The following FAH variants were observed in gnomAD, a reference collection of about 807,000 sequenced individuals.
The protein encoded by FAH is fumarylacetoacetase.
In FAH, 47 loss-of-function variants were observed where a neutral mutation model predicts 55.8. That is an observed-to-expected ratio of 0.84 (90% CI 0.67 to 1.07). The LOEUF (loss-of-function observed/expected upper bound fraction) is 1.07, where lower values mean the gene tolerates loss of function less well. Among genes scored for constraint, FAH ranks in the 50% least tolerant of loss-of-function variants. The probability of loss-of-function intolerance (pLI) is 0.00; values close to 1 mark genes in which losing one functional copy is unlikely to be tolerated. For synonymous variants in FAH, 199 were observed against 207.7 expected (o/e 0.96, Z 0.36); for missense variants, 495 against 545.9 (o/e 0.91, Z 0.93).
chr15:80,178,127 G>A (rs775272533), intron 11 of FAH, among the ~76,000 whole-genome samples: 2 of 152,132 alleles, frequency 1.3e-5, no homozygotes, highest in African/African-American at 4.8e-5. Context: ...TTGAGCCCAG[G>A]AGGTCGAGGC....
chr15:80,157,806 T>A, intron 1 of FAH: 1 of 537,376 alleles, frequency 1.9e-6, no homozygotes, highest in Non-Finnish European at 3.3e-6. Context: ...TGACTGCTCT[T>A]CCCCCAGTCC....
chr15:80,167,929 C>G (rs765899976), intron 5 of FAH, 123 bp from the exon 6 acceptor site: 24 of 753,254 alleles, frequency 3.2e-5, no homozygotes, highest in Non-Finnish European at 5.7e-5. Context: ...CTTGTAAGCA[C>G]CTGTTGATTT....
chr15:80,169,428 G>A (rs1215044027), intron 7 of FAH, among the ~76,000 whole-genome samples: 3 of 152,088 alleles, frequency 2.0e-5, no homozygotes, highest in African/African-American at 4.8e-5. Flanking sequence ...TAATTACCAC[G>A]AGTGACAAGA....
intron 5 of FAH, among the ~76,000 whole-genome samples, chr15:80,167,530 CT>C (rs11315019): frequency 0.59 from 64,724 of 110,522 alleles, 17,480 homozygotes; most frequent in East Asian, 0.78. Flanking sequence ...ATGGCTGTAT[CT>C]TTTTTTTTTT....
At chr15:80,185,957 T>G (rs987950142) in intron 13 of FAH, among the ~76,000 whole-genome samples, 173 bp from the exon 14 acceptor site, 4 of 152,190 alleles carry the variant, frequency 2.6e-5, no homozygotes, top group Admixed American at 6.5e-5. Context: ...TGCGTGCAAC[T>G]CTGCCCAGCT....
intron 9 of FAH, 110 bp from the exon 10 acceptor site, chr15:80,174,906 C>G: frequency 2.4e-6 from 2 of 847,070 alleles, no homozygotes; most frequent in Non-Finnish European, 4.1e-6. Flanking sequence ...TGTCTCAGAC[C>G]CTCTGCCTAG....
intron 7 of FAH, among the ~76,000 whole-genome samples, chr15:80,171,468 T>A (rs2041240043): frequency 6.6e-6 from 1 of 152,218 alleles, no homozygotes; most frequent in African/African-American, 2.4e-5. Flanking sequence ...TATTTTATTT[T>A]TTTATTTTTT....
At chr15:80,180,630 C>T (rs2041323156) in intron 12 of FAH, among the ~76,000 whole-genome samples, 1 of 152,170 alleles carries the variant, frequency 6.6e-6, no homozygotes. Context: ...GAGATGATGA[C>T]CTTGGGGTGG....
intron 2 of FAH, among the ~76,000 whole-genome samples, chr15:80,158,782 C>T (rs2041121911): frequency 6.6e-6 from 1 of 152,056 alleles, no homozygotes; most frequent in African/African-American, 2.4e-5. Context: ...AATTGGAATT[C>T]CTATGGGGGC....
intron 1 of FAH, 63 bp downstream of exon 1, chr15:80,153,198 G>C: frequency 8.3e-7 from 1 of 1,200,016 alleles, no homozygotes; most frequent in Non-Finnish European, 1.2e-6. Flanking sequence ...GAGTGGAGTG[G>C]AGTGGAGTGG....
chr15:80,170,857 C>T (rs1250168906), intron 7 of FAH, among the ~76,000 whole-genome samples: 4 of 152,084 alleles, frequency 2.6e-5, no homozygotes, highest in Non-Finnish European at 4.4e-5. Context: ...ATGGCTGAGT[C>T]TATGTTTTTC....
At chr15:80,160,526 G>A (rs1236596299) in intron 4 of FAH, 67 bp downstream of exon 4, 2 of 1,514,888 alleles carry the variant, frequency 1.3e-6, no homozygotes, top group African/African-American at 1.4e-5. Context: ...CTGGCCAGGT[G>A]CTTTGGTTCT....
chr15:80,179,760 G>A (rs533327875), intron 11 of FAH, among the ~76,000 whole-genome samples: 3 of 152,224 alleles, frequency 2.0e-5, no homozygotes, highest in African/African-American at 7.2e-5. Flanking sequence ...ACTGGAGGGT[G>A]TTCCCAGGGC....
intron 10 of FAH, among the ~76,000 whole-genome samples, chr15:80,176,757 G>A (rs1409990581): frequency 5.3e-5 from 8 of 152,230 alleles, no homozygotes; most frequent in East Asian, 3.8e-4. Context: ...CTGCCCGCCC[G>A]GGGGAGGCCA....
Position 80,173,089 on chromosome 15 carries a change from C to A in FAH, c.782C>A (p.Pro261Gln). ...LGKSFGTTVS[P>Q]WVVPMDALMP... ...AAGAGTTTTGGGACCACTGTCTCTC[C>A]GTGGGTGGTGCCCATGGATGCTCTC... The change falls in exon 9 of 14, where the codon CCG becomes CAG. Residue 261 changes from proline (P) to glutamine (Q), a missense_variant. Pro to Gln is a moderately conservative substitution (Grantham distance 76, BLOSUM62 -1). Transcript: ENST00000561421. The A allele has an allele frequency of 6.2e-7, 1 of 1,614,212 alleles. No individual in the cohort carries two copies. Among genetic ancestry groups the A allele is most frequent in the Non-Finnish European group, 8.5e-7 (1 of 1,180,024 alleles).
chr15:80,160,538 C>A, intron 4 of FAH, 79 bp downstream of exon 4: 2 of 1,418,456 alleles, frequency 1.4e-6, no homozygotes, highest in Non-Finnish European at 2.0e-6. Flanking sequence ...TTTGGTTCTG[C>A]ATCTGTGTGG....
At chr15:80,177,390 G>C in intron 10 of FAH, 147 bp from the exon 11 acceptor site, 1 of 756,798 alleles carries the variant, frequency 1.3e-6, no homozygotes, top group Non-Finnish European at 2.3e-6. Flanking sequence ...TCCCAGCTCT[G>C]ATGTCCTAGG....
rs1567118987 is a variant in FAH, at chr15:80,173,033, G to A, written c.726G>A (p.Trp242Ter). ...CTGCAGCACGAGACATTCAGAAGTG[G>A]GAGTATGTCCCTCTCGGGCCATTCC... ...NDWSARDIQKWEYVPLGPFLG... is the reference protein window; with the variant it reads ...NDWSARDIQK The change falls in exon 9 of 14, where the codon TGG becomes TGA. Residue 242 changes from tryptophan to a stop codon, truncating the protein, a stop_gained. Coordinates refer to ENST00000561421, the MANE Select transcript of FAH (RefSeq NM_000137.4). LOFTEE classifies it high-confidence loss of function. 24 of 1,614,238 alleles carry A rather than the reference G, an allele frequency of 1.5e-5. No individual in the cohort carries two copies. The highest frequency in any genetic ancestry group is 2.0e-5 in the Non-Finnish European group (24 of 1,180,034).
chr15:80,164,629 T>A (rs2041176790), intron 5 of FAH, among the ~76,000 whole-genome samples: 1 of 152,158 alleles, frequency 6.6e-6, no homozygotes, highest in South Asian at 2.1e-4. Context: ...GCAAAAAATA[T>A]TAGACTCCAG....
Sources: gnomAD v4.1 joint callset for allele counts (sites outside exome capture counted in the v4.1 genomes callset) on GRCh38, gnomAD v4.1.1 for gene constraint, MANE v1.5 for transcripts, NCBI Gene and HGNC (gene_info 2026-07-23, HGNC 2026-07-21) for gene names.